The following RAB8B variants were observed in gnomAD, a reference collection of about 807,000 sequenced individuals.
RAB8B encodes the protein RAB8B, member RAS oncogene family.
A neutral mutation model predicts 32.0 loss-of-function variants in RAB8B; 11 were observed. That is an observed-to-expected ratio of 0.34 (90% CI 0.22 to 0.57). RAB8B has a LOEUF of 0.57. Ranked by LOEUF, RAB8B falls within the 20% of genes least tolerant of loss-of-function variation. The probability of loss-of-function intolerance (pLI) is 0.86; values close to 1 mark genes in which losing one functional copy is unlikely to be tolerated. For synonymous variants in RAB8B, 103 were observed against 89.6 expected (o/e 1.15, Z -0.85); for missense variants, 190 against 258.5 (o/e 0.73, Z 1.82).
chr15:63,194,066 G>GTC (rs2037581287), intron 1 of RAB8B, among the ~76,000 whole-genome samples: 1 of 152,104 alleles, frequency 6.6e-6, no homozygotes, highest in Non-Finnish European at 1.5e-5. Context: ...TCCCTTTGCC[G>GTC]TCTCTCTGCT....
intron 1 of RAB8B, among the ~76,000 whole-genome samples, chr15:63,204,000 G>A (rs1329496180): frequency 9.2e-5 from 14 of 152,180 alleles, no homozygotes; most frequent in Non-Finnish European, 5.9e-5. Context: ...GAGGGTTGTC[G>A]GGGGGTGGTT....
intron 1 of RAB8B, among the ~76,000 whole-genome samples, chr15:63,205,529 C>T (rs1411838228): frequency 6.6e-6 from 1 of 151,890 alleles, no homozygotes; most frequent in Non-Finnish European, 1.5e-5. Context: ...CTCACACACA[C>T]ACGGGATGAT....
At position 63,255,597 on chromosome 15, in the gene RAB8B, A is replaced by G. The variant is rs1285385976; in HGVS notation, c.324+13A>G. ...AAACATTGAAGAGGTATGTGTGGAA[A>G]GAGAATGGTGACATTGGAGAAGAGT... On this transcript the variant is annotated intron_variant, in intron 4 of 7. Transcript: ENST00000321437. The G allele has an allele frequency of 1.0e-5, 16 of 1,572,082 alleles. No homozygotes were observed. The highest frequency in any genetic ancestry group is 4.1e-5 in the African/African-American group (3 of 73,964).
At chr15:63,258,336 C>T (rs1490617968) in intron 5 of RAB8B, among the ~76,000 whole-genome samples, 4 of 152,222 alleles carry the variant, frequency 2.6e-5, no homozygotes, top group East Asian at 3.9e-4. Context: ...CTCCTGACCT[C>T]AGGTGATCTG....
chr15:63,230,307 G>A lies in RAB8B; in HGVS notation c.125-14449G>A, dbSNP rs558708586. Reference sequence around the variant, plus strand: ...TTTATAATCTCTTACCACTTTTGTTGTTGTTGTTGCTGAGACAGAGTCTTG... The same window carrying A: ...TTTATAATCTCTTACCACTTTTGTTATTGTTGTTGCTGAGACAGAGTCTTG... On this transcript the variant is annotated intron_variant, in intron 1 of 7. Transcript: ENST00000321437. Among the ~76,000 whole-genome samples, 3 of 152,258 alleles carry A rather than the reference G, an allele frequency of 2.0e-5. No homozygotes were observed. The South Asian group carries it at 6.2e-4, about 32-fold the overall frequency.
intron 1 of RAB8B, among the ~76,000 whole-genome samples, chr15:63,190,304 G>T (rs2037545135): frequency 6.6e-6 from 1 of 152,082 alleles, no homozygotes; most frequent in Admixed American, 6.6e-5. Context: ...GAAGGGGACG[G>T]CTGGCCACAG....
At position 63,248,698 on chromosome 15, in the gene RAB8B, G is replaced by C. The variant is rs1189368445; in HGVS notation, c.186-947G>C. ...CGTGAGTGCAGTGTGAAAGTATTTT[G>C]TAAGATATATGTCTATGTTAAGGTG... On this transcript the variant is annotated intron_variant, in intron 2 of 7. Coordinates refer to ENST00000321437, the MANE Select transcript of RAB8B (RefSeq NM_016530.3). This position sits in a 1 kb window ranked among gnomAD's most constrained non-coding sequence, Gnocchi z 4.4. 6.6e-6 allele frequency among the ~76,000 whole-genome samples: 1 copy of C among 152,150 alleles called. No homozygotes were observed. Among genetic ancestry groups the C allele is most frequent in the Non-Finnish European group, 1.5e-5 (1 of 68,026 alleles).
intron 1 of RAB8B, chr15:63,223,892 C>T (rs1406985414): frequency 2.3e-6 from 1 of 433,582 alleles, no homozygotes; most frequent in Admixed American, 2.6e-5. Flanking sequence ...TTTATTATCC[C>T]ACAAAATGTC....
rs888346041 is a variant in RAB8B at position 63,259,759 on chromosome 15, G to C, written c.480+67G>C. 16 of 1,347,712 alleles carry C rather than the reference G, an allele frequency of 1.2e-5. No individual in the cohort carries two copies. The highest frequency in any genetic ancestry group is 1.8e-4 in the Middle Eastern group (1 of 5,500). 83.5% of individuals were successfully genotyped at this position (1,347,712 alleles called of 1,614,324 possible). A position where few individuals can be genotyped will look rare whatever the true frequency, so the allele number is the denominator to read the frequency against. ...GTGCTTAGGGGCCTGTGTTCAAACA[G>C]CTCTCAGAGCTTTGGTATTTTCTGA... On this transcript the variant is annotated intron_variant, in intron 6 of 7. Transcript: ENST00000321437. The surrounding 1 kb of genome is among the most constrained non-coding windows in gnomAD (Gnocchi z 4.4).
At chr15:63,221,041 C>G (rs1427965683) in intron 1 of RAB8B, among the ~76,000 whole-genome samples, 2 of 152,082 alleles carry the variant, frequency 1.3e-5, no homozygotes, top group Non-Finnish European at 2.9e-5. Flanking sequence ...GCAGAGTTGG[C>G]TGGAATAACT....
chr15:63,217,735 C>A (rs999279218), intron 1 of RAB8B, among the ~76,000 whole-genome samples: 1 of 152,112 alleles, frequency 6.6e-6, no homozygotes, highest in African/African-American at 2.4e-5. Flanking sequence ...AAAATCTAAA[C>A]AATTTAAAGT....
intron 1 of RAB8B, among the ~76,000 whole-genome samples, chr15:63,239,421 T>C (rs988689062): frequency 1.3e-5 from 2 of 150,128 alleles, no homozygotes; most frequent in African/African-American, 4.9e-5. Context: ...TTTTTTTTTT[T>C]TTTTTTTTTG....
chr15:63,223,038 T>G (rs1248653066), intron 1 of RAB8B: 2 of 456,002 alleles, frequency 4.4e-6, no homozygotes, highest in African/African-American at 4.0e-5. Context: ...ATTGATTCCT[T>G]CAGAGCAACT....
At position 63,263,639 on chromosome 15, in the gene RAB8B, T is replaced by C. The variant is rs1239252665; in HGVS notation, c.*20T>C. On this transcript the variant is annotated 3_prime_UTR_variant, in exon 8 of 8. Coordinates refer to ENST00000321437, the MANE Select transcript of RAB8B (RefSeq NM_016530.3). ...CTTTGATGAACTCTTTCTGAGAGAC[T>C]GCAGCACACCTAGAGGGCCCTTTCC... 5 of 1,566,634 alleles carry C rather than the reference T, an allele frequency of 3.2e-6. No homozygotes were observed. Among genetic ancestry groups the C allele is most frequent in the Non-Finnish European group, 4.4e-6 (5 of 1,137,124 alleles).
chr15:63,204,352 T>C (rs2141111722), intron 1 of RAB8B, among the ~76,000 whole-genome samples: 2 of 152,286 alleles, frequency 1.3e-5, no homozygotes, highest in East Asian at 3.9e-4. Context: ...TGACCTCGGG[T>C]GCAGCATGTT....
intron 2 of RAB8B, among the ~76,000 whole-genome samples, chr15:63,246,623 G>A (rs933575191): frequency 1.3e-5 from 2 of 152,100 alleles, no homozygotes; most frequent in Non-Finnish European, 2.9e-5. Context: ...GCACCTCCAC[G>A]TGTCTCACTC....
chr15:63,239,103 C>T (rs750148661), intron 1 of RAB8B, among the ~76,000 whole-genome samples: 53 of 152,182 alleles, frequency 3.5e-4, no homozygotes, highest in Non-Finnish European at 4.1e-4. Context: ...TGAGCCATCT[C>T]TGAACCCCAT....
At chr15:63,201,321 C>G (rs977157312) in intron 1 of RAB8B, among the ~76,000 whole-genome samples, 1 of 152,156 alleles carries the variant, frequency 6.6e-6, no homozygotes, top group Non-Finnish European at 1.5e-5. Context: ...AATTATATCT[C>G]AGCTCAGATT....
At chr15:63,243,575 G>A (rs1265392858) in intron 1 of RAB8B, among the ~76,000 whole-genome samples, 1 of 152,142 alleles carries the variant, frequency 6.6e-6, no homozygotes, top group Non-Finnish European at 1.5e-5. Context: ...CCTTCAAAAG[G>A]CATAGCCCTT....
Sources: gnomAD v4.1 joint callset for allele counts (sites outside exome capture counted in the v4.1 genomes callset) on GRCh38, gnomAD v4.1.1 for gene constraint, Gnocchi (gnomAD v3.1) non-coding constraint, MANE v1.5 for transcripts, NCBI Gene and HGNC (gene_info 2026-07-23, HGNC 2026-07-21) for gene names.